Variants in EYS observed in about 807,000 individuals in gnomAD.
EYS encodes the protein EGF-like photoreceptor maintenance factor, also known as protein eyes shut homolog.
EYS carries 250 observed loss-of-function variants against 282.1 expected under a neutral mutation model. The observed-to-expected ratio is 0.89, with a 90% CI of 0.80 to 0.98. The LOEUF (loss-of-function observed/expected upper bound fraction) is 0.98, where lower values mean the gene tolerates loss of function less well. EYS is among the 50% of genes least tolerant of loss of function. EYS has a pLI of 0.00. For missense variants in EYS, 4,016 were observed against 3,709.0 expected (o/e 1.08, Z -2.15); for synonymous variants, 1,355 against 1,282.9 (o/e 1.06, Z -1.20).
Position 64,263,248 on chromosome 6 carries a change from C to G in EYS, c.6192-32424G>C, listed in dbSNP as rs944969849. Among the ~76,000 whole-genome samples the G allele has an allele frequency of 5.9e-5, 9 of 152,078 alleles. No individual in the cohort carries two copies. In the East Asian group the frequency reaches 1.7e-3, roughly 29 times the overall value. ...TTTCCTCTTTATTCTGGGGACGCTT[C>G]TGAAAGTTTTTCTCTTCTGATTTGA... is the stretch of plus-strand genomic sequence containing the variant. On this transcript the variant is annotated intron_variant, in intron 30 of 42. Transcript: ENST00000503581.
At chr6:65,204,280 T>G (rs1765972981) in intron 12 of EYS, among the ~76,000 whole-genome samples, 1 of 151,650 alleles carries the variant, frequency 6.6e-6, no homozygotes, top group South Asian at 2.1e-4. Context: ...AAAGTCAACA[T>G]GAAAGAACTA....
chr6:64,708,098 C>T (rs1771093745), intron 22 of EYS, among the ~76,000 whole-genome samples: 1 of 152,132 alleles, frequency 6.6e-6, no homozygotes, highest in Non-Finnish European at 1.5e-5. Flanking sequence ...TAGTCTTCAG[C>T]AGATTAAGTA....
At chr6:65,237,433 C>A (rs1309605008) in intron 12 of EYS, among the ~76,000 whole-genome samples, 1 of 152,134 alleles carries the variant, frequency 6.6e-6, no homozygotes, top group South Asian at 2.1e-4. Context: ...TTCCAGTAGA[C>A]CTTCCACACT....
chr6:64,980,179 T>C (rs1280856175), intron 14 of EYS, among the ~76,000 whole-genome samples: 1 of 151,558 alleles, frequency 6.6e-6, no homozygotes, highest in Admixed American at 6.6e-5. Context: ...ATAAAAAAAA[T>C]GGCAATGCAA....
At chr6:63,877,076 C>T (rs1332700161) in intron 35 of EYS, among the ~76,000 whole-genome samples, 1 of 152,162 alleles carries the variant, frequency 6.6e-6, no homozygotes, top group African/African-American at 2.4e-5. Context: ...ATGGTCTTTA[C>T]AATTTGGCAT....
chr6:64,978,865 C>T (rs1770560372), intron 14 of EYS, among the ~76,000 whole-genome samples: 1 of 151,796 alleles, frequency 6.6e-6, no homozygotes, highest in South Asian at 2.1e-4. Context: ...GAACATGTGA[C>T]TGGATTGCTG....
At chr6:64,160,146 T>C (rs1320795507) in intron 31 of EYS, among the ~76,000 whole-genome samples, 1 of 152,150 alleles carries the variant, frequency 6.6e-6, no homozygotes, top group Non-Finnish European at 1.5e-5. Flanking sequence ...TCAATAATTA[T>C]AATCTCTGGT....
chr6:64,252,991 A>G (rs1922965), intron 30 of EYS, among the ~76,000 whole-genome samples: 47,476 of 151,890 alleles, frequency 0.31, 7,432 homozygotes, highest in East Asian at 0.51. Flanking sequence ...ATAATGTGTT[A>G]GAGCCTTTAA....
intron 22 of EYS, among the ~76,000 whole-genome samples, chr6:64,684,367 AC>A (rs1298523747): frequency 6.6e-6 from 1 of 152,102 alleles, no homozygotes; most frequent in Non-Finnish European, 1.5e-5. Flanking sequence ...CTGAATACAA[AC>A]CTCTTATTTT....
At chr6:64,611,254 G>A (rs1767107694) in intron 24 of EYS, among the ~76,000 whole-genome samples, 1 of 152,186 alleles carries the variant, frequency 6.6e-6, no homozygotes, top group African/African-American at 2.4e-5. Context: ...TAGCAGTACT[G>A]AGCAAACCCT....
Position 64,369,380 on chromosome 6 carries a change from C to T in EYS, c.6078+19310G>A, listed in dbSNP as rs186236874. 1.8e-4 allele frequency among the ~76,000 whole-genome samples: 28 copies of T among 152,132 alleles called. No individual in the cohort carries two copies. In the East Asian group the frequency reaches 5.2e-3, roughly 28 times the overall value. ...AGCTTTGGTCTTTGGCTTAGCATTG[C>T]CTTGGCTATTCAGGCTCTTTTTTGG... On this transcript the variant is annotated intron_variant, in intron 29 of 42. Transcript: ENST00000503581.
chr6:63,834,908 T>G (rs1396362039), intron 36 of EYS, among the ~76,000 whole-genome samples: 1 of 151,544 alleles, frequency 6.6e-6, no homozygotes, highest in Non-Finnish European at 1.5e-5. Context: ...TGTAGGGACA[T>G]GGATGAAGCT....
chr6:64,675,196 C>T (rs9452352), intron 22 of EYS, among the ~76,000 whole-genome samples: 29,618 of 151,868 alleles, frequency 0.2, 3,411 homozygotes, highest in East Asian at 0.35. Flanking sequence ...GTATAGTATA[C>T]ATTCAAAATG....
chr6:65,626,505 G>A (rs6917909), intron 2 of EYS, among the ~76,000 whole-genome samples: 54,143 of 151,926 alleles, frequency 0.36, 12,016 homozygotes, highest in Non-Finnish European at 0.49. Context: ...GTCTATACAG[G>A]GATAGATACA....
intron 19 of EYS, among the ~76,000 whole-genome samples, chr6:64,829,287 AG>A (rs1396685892): frequency 6.6e-6 from 1 of 152,006 alleles, no homozygotes; most frequent in Non-Finnish European, 1.5e-5. Context: ...GTGGTACAAC[AG>A]GCATGAATAG....
intron 11 of EYS, among the ~76,000 whole-genome samples, chr6:65,316,439 G>T (rs1177787223): frequency 1.5e-5 from 2 of 133,024 alleles, no homozygotes; most frequent in Admixed American, 1.6e-4. Context: ...TTTCATGTGT[G>T]GTGGGTGGTA....
chr6:64,244,226 C>T (rs1274257329), intron 30 of EYS, among the ~76,000 whole-genome samples: 1 of 152,088 alleles, frequency 6.6e-6, no homozygotes, highest in Admixed American at 6.6e-5. Context: ...CAATTGTTTT[C>T]ATCTGTCAAC....
intron 31 of EYS, among the ~76,000 whole-genome samples, chr6:64,129,945 T>C (rs1773914169): frequency 6.6e-6 from 1 of 152,208 alleles, no homozygotes; most frequent in Non-Finnish European, 1.5e-5. Context: ...GTTGTAGATA[T>C]GTGGCATTAT....
intron 19 of EYS, among the ~76,000 whole-genome samples, chr6:64,869,629 A>T (rs1486303376): frequency 6.6e-6 from 1 of 151,624 alleles, no homozygotes; most frequent in African/African-American, 2.4e-5. Flanking sequence ...AAACATGATG[A>T]ACAAAATCTC....
Sources: gnomAD v4.1 joint callset for allele counts (sites outside exome capture counted in the v4.1 genomes callset) on GRCh38, gnomAD v4.1.1 for gene constraint, MANE v1.5 for transcripts, NCBI Gene and HGNC (gene_info 2026-07-23, HGNC 2026-07-21) for gene names.